BCKDHB: variants seen among roughly 807,000 people sequenced by gnomAD.
The protein encoded by BCKDHB is branched chain keto acid dehydrogenase E1 subunit beta.
BCKDHB carries 41 observed loss-of-function variants against 48.5 expected under a neutral mutation model. The observed-to-expected ratio is 0.85, with a 90% CI of 0.66 to 1.10. BCKDHB has a LOEUF of 1.10. Among genes scored for constraint, BCKDHB ranks in the 50% least tolerant of loss-of-function variants. BCKDHB has a pLI of 0.00. For synonymous variants in BCKDHB, 201 were observed against 174.8 expected, an observed-to-expected ratio of 1.15 and a Z score of -1.18; for missense variants, 496 against 494.2, an observed-to-expected ratio of 1.00 and a Z score of -0.03.
chr6:80,237,287 A>G (rs1161221396), intron 8 of BCKDHB, among the ~76,000 whole-genome samples: 2 of 152,168 alleles, frequency 1.3e-5, no homozygotes, highest in South Asian at 2.1e-4. Context: ...GAAAACAGGG[A>G]TGTCACTGAG....
chr6:80,420,817 C>G, the BCKDHB span, among the ~76,000 whole-genome samples: 1 of 152,124 alleles, frequency 6.6e-6, no homozygotes, highest in African/African-American at 2.4e-5. Context: ...GGGCAGTGTC[C>G]CATAAGGTTA....
intron 8 of BCKDHB, among the ~76,000 whole-genome samples, chr6:80,244,961 C>G (rs1776547210): frequency 6.6e-6 from 1 of 152,114 alleles, no homozygotes; most frequent in Admixed American, 6.5e-5. Flanking sequence ...ATTCAACAAA[C>G]TTTTGTTGAG....
intron 1 of BCKDHB, among the ~76,000 whole-genome samples, chr6:80,118,200 C>A (rs370422025): frequency 6.6e-6 from 1 of 151,988 alleles, no homozygotes; most frequent in Non-Finnish European, 1.5e-5. Flanking sequence ...GGGTTTGGCT[C>A]CAGACCACTA....
intron 3 of BCKDHB, among the ~76,000 whole-genome samples, chr6:80,131,169 C>A (rs1422452228): frequency 3.9e-5 from 6 of 152,108 alleles, no homozygotes; most frequent in Admixed American, 3.9e-4. Context: ...ACTGGTGACT[C>A]CTGAATTTCT....
At chr6:80,377,231 G>C in the BCKDHB span, among the ~76,000 whole-genome samples, 17 of 151,858 alleles carry the variant, frequency 1.1e-4, no homozygotes, top group African/African-American at 4.1e-4. Flanking sequence ...TAGTAGAGAC[G>C]AGGTTTCACC....
intron 5 of BCKDHB, among the ~76,000 whole-genome samples, chr6:80,169,484 A>G (rs1772782249): frequency 6.6e-6 from 1 of 152,182 alleles, no homozygotes; most frequent in African/African-American, 2.4e-5. Context: ...AAAGACTAAG[A>G]GAAGACTGTT....
intron 8 of BCKDHB, among the ~76,000 whole-genome samples, chr6:80,253,038 T>C (rs1338849923): frequency 6.6e-6 from 1 of 152,192 alleles, no homozygotes; most frequent in Admixed American, 6.5e-5. Context: ...AGTAATTTAA[T>C]TGTAAGCAAC....
At chr6:80,135,074 AT>A (rs1440436778) in intron 3 of BCKDHB, among the ~76,000 whole-genome samples, 1 of 152,110 alleles carries the variant, frequency 6.6e-6, no homozygotes, top group Non-Finnish European at 1.5e-5. Context: ...TAAGTTTTAA[AT>A]TTAGGGGTGT....
chr6:80,403,688 CT>C, the BCKDHB span, among the ~76,000 whole-genome samples: 2 of 151,862 alleles, frequency 1.3e-5, no homozygotes, highest in Non-Finnish European at 2.9e-5. Flanking sequence ...AAATTTTCAC[CT>C]TTGGGTATAA....
At chr6:80,459,081 A>G in the BCKDHB span, among the ~76,000 whole-genome samples, 1 of 152,184 alleles carries the variant, frequency 6.6e-6, no homozygotes, top group Non-Finnish European at 1.5e-5. Context: ...AGGATTCTCA[A>G]AAAATAAAAA....
chr6:80,306,152 T>G (rs1422203670), intron 9 of BCKDHB, among the ~76,000 whole-genome samples: 1 of 152,252 alleles, frequency 6.6e-6, no homozygotes, highest in Admixed American at 6.5e-5. Context: ...TTTACACCTT[T>G]ATTCTTTTCA....
chr6:80,158,368 G>A lies in BCKDHB; in HGVS notation c.344-9310G>A, dbSNP rs61060466. 6.9e-3 allele frequency among the ~76,000 whole-genome samples: 1,047 copies of A among 152,222 alleles called. 8 individuals carry two copies. Among genetic ancestry groups the A allele is most frequent in the African/African-American group, 0.024 (987 of 41,522 alleles). Reference sequence around the variant, plus strand: ...GCCTTGGAGTGTTCAGAATAATAGGGTAGAATCTGTAGGACAAGGTTCACA... The same window carrying A: ...GCCTTGGAGTGTTCAGAATAATAGGATAGAATCTGTAGGACAAGGTTCACA... On this transcript the variant is annotated intron_variant, in intron 3 of 9. Transcript: ENST00000320393.
At chr6:80,228,727 C>T (rs542720414) in intron 8 of BCKDHB, among the ~76,000 whole-genome samples, 2 of 152,266 alleles carry the variant, frequency 1.3e-5, no homozygotes, top group African/African-American at 4.8e-5. Context: ...TTGTACTACT[C>T]TCAAACCATA....
At chr6:80,331,868 A>G (rs1159506) in intron 9 of BCKDHB, among the ~76,000 whole-genome samples, 117,969 of 151,988 alleles carry the variant, frequency 0.78, 46,150 homozygotes, top group Admixed American at 0.84. Flanking sequence ...GCTTAATTAG[A>G]TTTGCTACAT....
At chr6:80,316,044 C>T (rs1434661722) in intron 9 of BCKDHB, among the ~76,000 whole-genome samples, 1 of 152,148 alleles carries the variant, frequency 6.6e-6, no homozygotes. Context: ...ATCTTCCTCC[C>T]ATCAGGCAAG....
the BCKDHB span, among the ~76,000 whole-genome samples, chr6:80,382,962 A>G: frequency 6.6e-6 from 1 of 152,176 alleles, no homozygotes; most frequent in Admixed American, 6.5e-5. Context: ...GTGAATATAT[A>G]TAACCACTGA....
intron 3 of BCKDHB, among the ~76,000 whole-genome samples, chr6:80,157,717 G>C (rs1466615762): frequency 6.6e-6 from 1 of 151,448 alleles, no homozygotes; most frequent in African/African-American, 2.4e-5. Flanking sequence ...GACCTCAGGT[G>C]ATCCGCCCAC....
chr6:80,410,177 A>G, the BCKDHB span, among the ~76,000 whole-genome samples: 1 of 152,218 alleles, frequency 6.6e-6, no homozygotes, highest in African/African-American at 2.4e-5. Context: ...GCGTGTCTCT[A>G]AAGGATTTTA....
chr6:80,429,491 C>G, the BCKDHB span, among the ~76,000 whole-genome samples: 1 of 152,176 alleles, frequency 6.6e-6, no homozygotes, highest in East Asian at 1.9e-4. Flanking sequence ...AATATTGATT[C>G]TTCCTATCCA....
Sources: gnomAD v4.1 joint callset for allele counts (sites outside exome capture counted in the v4.1 genomes callset) on GRCh38, gnomAD v4.1.1 for gene constraint, MANE v1.5 for transcripts, NCBI Gene and HGNC (gene_info 2026-07-23, HGNC 2026-07-21) for gene names.